RC3H1: variants seen among roughly 807,000 people sequenced by gnomAD.
The protein encoded by RC3H1 is ring finger and CCCH-type domains 1.
Under a neutral mutation model 138.2 loss-of-function variants are expected in RC3H1, and 50 were observed. That is an observed-to-expected ratio of 0.36 (90% CI 0.29 to 0.46). The LOEUF (loss-of-function observed/expected upper bound fraction) is 0.46, where lower values mean the gene tolerates loss of function less well. RC3H1 is among the 20% of genes least tolerant of loss of function. The pLI, the probability that RC3H1 is intolerant of heterozygous loss-of-function variation, is 1.00. For missense variants in RC3H1, 1,031 were observed against 1,388.1 expected (o/e 0.74, Z 4.09); for synonymous variants, 462 against 489.1 (o/e 0.94, Z 0.73).
intron 14 of RC3H1, among the ~76,000 whole-genome samples, chr1:173,951,346 G>A (rs1488827469): frequency 6.6e-6 from 1 of 151,698 alleles, no homozygotes; most frequent in Non-Finnish European, 1.5e-5. Context: ...AAAGAGATAA[G>A]ATTTTGATAA....
chr1:173,937,665 C>T lies in RC3H1; in HGVS notation c.*1056G>A, dbSNP rs1658663283. The T allele has an allele frequency of 6.6e-6, 1 of 152,182 alleles. No homozygotes were observed. Among genetic ancestry groups the T allele is most frequent in the Non-Finnish European group, 1.5e-5 (1 of 68,032 alleles). The allele number at this position is 152,182 out of a possible 1,614,324, so 9.4% of individuals were successfully genotyped here. Reference sequence around the variant, plus strand: ...GAGCAACAAGTGATCAATTCATAAACTATCCTTAAGACTCAATCAGTTCAC... The same window carrying T: ...GAGCAACAAGTGATCAATTCATAAATTATCCTTAAGACTCAATCAGTTCAC... On this transcript the variant is annotated 3_prime_UTR_variant, in exon 20 of 20. Coordinates refer to ENST00000367696, the MANE Select transcript of RC3H1 (RefSeq NM_172071.4).
At chr1:173,978,243 A>G (rs1660665265) in intron 7 of RC3H1, among the ~76,000 whole-genome samples, 1 of 152,208 alleles carries the variant, frequency 6.6e-6, no homozygotes, top group South Asian at 2.1e-4. Context: ...AACATAAAGA[A>G]GCCCAGAGAA....
At chr1:174,014,657 A>G (rs1162884734) in intron 1 of RC3H1, among the ~76,000 whole-genome samples, 1 of 152,222 alleles carries the variant, frequency 6.6e-6, no homozygotes, top group African/African-American at 2.4e-5. Context: ...TTAAGGAGGA[A>G]AATAACATTC....
At chr1:174,015,307 C>G (rs1571244647) in intron 1 of RC3H1, among the ~76,000 whole-genome samples, 1 of 146,890 alleles carries the variant, frequency 6.8e-6, no homozygotes, top group East Asian at 2.0e-4. Flanking sequence ...AAATTAAATA[C>G]TGTTCTATAA....
rs1325090371 is a variant in RC3H1 at position 173,965,133 on chromosome 1, C to T, written c.1335-13G>A. 1 of 1,585,858 alleles carries T rather than the reference C, an allele frequency of 6.3e-7. No homozygotes were observed. Among genetic ancestry groups the T allele is most frequent in the African/African-American group, 1.4e-5 (1 of 73,486 alleles). ...CATTTTACGAAATCTATATAAAAAG[C>T]ATAGGCACATATCAAAAAGCAAATA... On this transcript the variant is annotated splice_polypyrimidine_tract_variant and intron_variant, in intron 9 of 19. Coordinates refer to ENST00000367696, the MANE Select transcript of RC3H1 (RefSeq NM_172071.4).
chr1:174,007,020 T>C (rs1208999382), intron 1 of RC3H1, among the ~76,000 whole-genome samples: 1 of 152,094 alleles, frequency 6.6e-6, no homozygotes, highest in East Asian at 1.9e-4. Flanking sequence ...TCCCAATGAT[T>C]ACTCCTTTAT....
intron 1 of RC3H1, among the ~76,000 whole-genome samples, chr1:174,005,023 A>T (rs1242365160): frequency 6.6e-6 from 1 of 152,172 alleles, no homozygotes; most frequent in Non-Finnish European, 1.5e-5. Flanking sequence ...CTAAGTATTA[A>T]AAACCATAGA....
chr1:173,978,037 A>G (rs1222403893), intron 7 of RC3H1, among the ~76,000 whole-genome samples: 1 of 152,218 alleles, frequency 6.6e-6, no homozygotes, highest in African/African-American at 2.4e-5. Context: ...CAGGTTACGG[A>G]GAAGGAGCAG....
chr1:173,938,841 T>G lies in RC3H1; in HGVS notation c.3282A>C (p.Gln1094His). 1 of 1,613,484 alleles carries G rather than the reference T, an allele frequency of 6.2e-7. No homozygotes were observed. ...SDVPNGSALT[Q>H]ENISLLSNKT... is the part of the protein sequence containing the mutation. ...TGTTTGATAGGAGGCTGATATTCTC[T>G]TGTGTCAAGGCTGATCCATTTGGTA... Residue 1094 changes from glutamine (Q) to histidine (H), a missense_variant, in exon 20 of 20, where the codon CAA (glutamine) becomes CAC (histidine). Gln to His is a conservative substitution (Grantham distance 24). This residue lies in a region of RC3H1 where 716 missense variants were observed against 837.9 expected (regional missense o/e 0.85). Transcript: ENST00000367696.
In RC3H1 at chr1:173,993,059, T is replaced by A; in HGVS notation, c.-74A>T. On this transcript the variant is annotated 5_prime_UTR_variant, in exon 2 of 20. Coordinates refer to ENST00000367696, the MANE Select transcript of RC3H1 (RefSeq NM_172071.4). ...AGCAAAGATTCCACTGGAATCAAAATCTTTGAAAAAAAGTTTATCTTTTTT... is the reference window on the plus strand; with the variant it reads ...AGCAAAGATTCCACTGGAATCAAAAACTTTGAAAAAAAGTTTATCTTTTTT... 1.5e-5 allele frequency: 16 copies of A among 1,096,912 alleles called. No homozygotes were observed. Among genetic ancestry groups the A allele is most frequent in the East Asian group, 2.4e-5 (1 of 41,486 alleles). The allele number at this position is 1,096,912 out of a possible 1,614,324, so 67.9% of individuals were successfully genotyped here.
Position 173,992,848 on chromosome 1 carries a change from G to A in RC3H1, c.138C>T (p.His46=), listed in dbSNP as rs1230851475. The change falls in exon 2 of 20, where the codon CAC becomes CAT. Residue 46 remains histidine (H), a synonymous_variant. Coordinates refer to ENST00000367696, the MANE Select transcript of RC3H1 (RefSeq NM_172071.4). ...TCTGGTCAAATGGGCAAGCCTTGCG[G>A]TGGAGTTTATTCAGGCACATCTTGC... ...TVCKMCLNKL[H]RKACPFDQTT... 1 of 1,614,176 alleles carries A rather than the reference G, an allele frequency of 6.2e-7. No homozygotes were observed. Among genetic ancestry groups the A allele is most frequent in the East Asian group, 2.2e-5 (1 of 44,872 alleles).
intron 17 of RC3H1, among the ~76,000 whole-genome samples, chr1:173,945,379 G>A (rs546224771): frequency 6.6e-6 from 1 of 152,144 alleles, no homozygotes; most frequent in South Asian, 2.1e-4. Context: ...ATCTGCTCTG[G>A]CCTCCCAAAG....
intron 17 of RC3H1, among the ~76,000 whole-genome samples, chr1:173,944,326 C>G (rs1659040869): frequency 6.6e-6 from 1 of 152,020 alleles, no homozygotes; most frequent in Admixed American, 6.6e-5. Context: ...TTTAACTGTA[C>G]TGAGTTAAAT....
chr1:174,014,204 T>C lies in RC3H1; in HGVS notation c.-151+7892A>G, dbSNP rs78454906. 7.9e-3 allele frequency among the ~76,000 whole-genome samples: 1,197 copies of C among 152,338 alleles called. 14 individuals carry two copies. Among genetic ancestry groups the C allele is most frequent in the African/African-American group, 0.028 (1,149 of 41,580 alleles). On this transcript the variant is annotated intron_variant, in intron 1 of 19. Coordinates refer to ENST00000367696, the MANE Select transcript of RC3H1 (RefSeq NM_172071.4). ...CCAACACAAAGGGTGAATCCTAATG[T>C]GAACTATGGACTTTAGTTAATAATG...
In RC3H1 at chr1:173,943,426, C is replaced by G; in HGVS notation, c.3135+16G>C. On this transcript the variant is annotated intron_variant, in intron 18 of 19. Transcript: ENST00000367696. ...TTCATTTCACCTTCCCTCTCTTTCC[C>G]CACCATAACACTCACCATACTCAGT... is the stretch of plus-strand genomic sequence containing the variant. 6.3e-7 allele frequency: 1 copy of G among 1,592,400 alleles called. No individual in the cohort carries two copies.
At chr1:173,996,563 C>T (rs1412760383) in intron 1 of RC3H1, among the ~76,000 whole-genome samples, 2 of 152,166 alleles carry the variant, frequency 1.3e-5, no homozygotes, top group Non-Finnish European at 1.5e-5. Context: ...GAACCAGTTC[C>T]TCACAGACCC....
chr1:174,017,783 C>CAAACAAAAAAA (rs1553234069), intron 1 of RC3H1, among the ~76,000 whole-genome samples: 1 of 72,034 alleles, frequency 1.4e-5, no homozygotes, highest in Admixed American at 1.7e-4. Flanking sequence ...TTTTCTTGCT[C>CAAACAAAAAAA]AAAAAAAAAA....
rs2102931544 is a variant in RC3H1, at chr1:173,961,889, A to T, written c.2038T>A (p.Ser680Thr). The T allele has an allele frequency of 1.2e-6, 2 of 1,614,134 alleles. No individual in the cohort carries two copies. The highest frequency in any genetic ancestry group is 4.5e-5 in the East Asian group (2 of 44,880). ...YDGRRVYPAP[S>T]YTREEIFRES... ...CGGAATATCTCTTCTCTTGTGTAAG[A>T]CGGAGCAGGGTACACTCGACGGCCA... Residue 680 changes from serine to threonine, a missense_variant, in exon 12 of 20, where the codon TCT becomes ACT. By Grantham distance (58) the Ser-to-Thr change is moderately conservative. Transcript: ENST00000367696.
intron 14 of RC3H1, among the ~76,000 whole-genome samples, 167 bp from the exon 15 acceptor site, chr1:173,947,749 C>T (rs548998971): frequency 6.6e-6 from 1 of 152,184 alleles, no homozygotes; most frequent in East Asian, 1.9e-4. Flanking sequence ...TTTTAAACCT[C>T]TGAGGTGAGG....
Sources: gnomAD v4.1 joint callset for allele counts (sites outside exome capture counted in the v4.1 genomes callset) on GRCh38, gnomAD v4.1.1 for gene constraint, gnomAD v4.1.1 regional missense constraint, MANE v1.5 for transcripts, NCBI Gene and HGNC (gene_info 2026-07-23, HGNC 2026-07-21) for gene names.